Variants in SETD5 observed in about 807,000 individuals in gnomAD.
The protein encoded by SETD5 is SET domain containing 5.
In SETD5, 44 loss-of-function variants were observed where a neutral mutation model predicts 153.3. The observed-to-expected ratio is 0.29, with a 90% CI of 0.23 to 0.37. The LOEUF (loss-of-function observed/expected upper bound fraction) is 0.37. Among genes scored for constraint, SETD5 ranks in the 10% least tolerant of loss-of-function variants. SETD5 has a pLI of 1.00. For synonymous variants in SETD5, 716 were observed against 645.2 expected, an observed-to-expected ratio of 1.11 and a Z score of -1.66; for missense variants, 1,544 against 1,768.0, an observed-to-expected ratio of 0.87 and a Z score of 2.27.
chr3:9,470,075 C>T (rs185393184), intron 18 of SETD5, among the ~76,000 whole-genome samples: 2 of 152,262 alleles, frequency 1.3e-5, no homozygotes, highest in East Asian at 1.9e-4. Context: ...ACACCAGTCT[C>T]ATCTTTGTTT....
At chr3:9,423,044 G>A (rs534838942) in intron 1 of SETD5, among the ~76,000 whole-genome samples, 2 of 152,192 alleles carry the variant, frequency 1.3e-5, no homozygotes, top group Non-Finnish European at 2.9e-5. Flanking sequence ...TTGGACTTTT[G>A]TCTGCCAGCT....
intron 1 of SETD5, among the ~76,000 whole-genome samples, chr3:9,405,281 C>T (rs2035476128): frequency 6.6e-6 from 1 of 152,184 alleles, no homozygotes; most frequent in South Asian, 2.1e-4. Context: ...GGTGGGCTCT[C>T]TTCTGTACAT....
At chr3:9,423,370 T>G (rs1040763198) in intron 1 of SETD5, 4 of 152,186 alleles carry the variant, frequency 2.6e-5, no homozygotes, top group Non-Finnish European at 1.5e-5. Flanking sequence ...ATACAGGCTG[T>G]GTCTGTTTCT....
chr3:9,440,331 T>G (rs1162542918), intron 7 of SETD5, 125 bp from the exon 8 acceptor site: 3 of 626,444 alleles, frequency 4.8e-6, no homozygotes, highest in Non-Finnish European at 8.7e-6. Flanking sequence ...AGTCCATTAC[T>G]CTTTTATGCC....
chr3:9,421,106 AT>A (rs1038949025), intron 1 of SETD5, among the ~76,000 whole-genome samples: 3 of 151,532 alleles, frequency 2.0e-5, no homozygotes, highest in African/African-American at 7.3e-5. Flanking sequence ...ACTTTGAGAC[AT>A]TCTATGAATT....
intron 18 of SETD5, chr3:9,468,377 T>G: frequency 2.2e-6 from 1 of 450,448 alleles, no homozygotes; most frequent in Non-Finnish European, 3.9e-6. Flanking sequence ...CAGTTAAATA[T>G]TTCCCCTATG....
At position 9,434,362 on chromosome 3, in the gene SETD5, G is replaced by A. The variant is rs2040323081; in HGVS notation, c.206G>A (p.Gly69Asp). The part of the protein sequence containing the change: ...ATIIPRSDLN[G>D]LPSPVEERCG... ...ATCATCCCTCGTTCTGACCTGAATG[G>A]CCTGCCGTCGCCTGTAGAGGAACGC... Residue 69 changes from glycine to aspartate, a missense_variant, in exon 5 of 23, where the codon GGC becomes GAC. Transcript: ENST00000402198. The surrounding 1 kb of genome is among the most constrained non-coding windows in gnomAD (Gnocchi z 5.6). 1.9e-6 allele frequency: 3 copies of A among 1,613,702 alleles called. No homozygotes were observed. The highest frequency in any genetic ancestry group is 2.5e-6 in the Non-Finnish European group (3 of 1,179,788).
chr3:9,445,606 T>G (rs1695687629), intron 12 of SETD5, 51 bp from the exon 13 acceptor site: 1 of 1,500,828 alleles, frequency 6.7e-7, no homozygotes, highest in Non-Finnish European at 9.2e-7. Flanking sequence ...TAAAACAGAT[T>G]GATTTTTTCT....
At chr3:9,454,684 T>C (rs1157698582) in intron 17 of SETD5, among the ~76,000 whole-genome samples, 1 of 151,096 alleles carries the variant, frequency 6.6e-6, no homozygotes, top group Non-Finnish European at 1.5e-5. Context: ...ATCTAAAGTC[T>C]TTGTGCATTT....
At position 9,448,444 on chromosome 3, in the gene SETD5, G is replaced by A; in HGVS notation, c.2160G>A (p.Glu720=). The change falls in exon 16 of 23, where the codon GAG becomes GAA. Residue 720 remains glutamate (E), a synonymous_variant. Transcript: ENST00000402198. ...CAGAGAAGCAAGAGTGCCCTGTTGAGTGCCCTTTACGTATCACAACGGATC... is the reference window on the plus strand; with the variant it reads ...CAGAGAAGCAAGAGTGCCCTGTTGAATGCCCTTTACGTATCACAACGGATC... ...DKAEKQECPV[E]CPLRITTDPT... is the part of the protein sequence containing the mutation. The A allele has an allele frequency of 1.2e-6, 2 of 1,613,978 alleles. No homozygotes were observed. Among genetic ancestry groups the A allele is most frequent in the South Asian group, 1.1e-5 (1 of 91,078 alleles).
chr3:9,445,604 A>T (rs574966970), intron 12 of SETD5, 53 bp from the exon 13 acceptor site: 3 of 1,483,818 alleles, frequency 2.0e-6, no homozygotes, highest in Non-Finnish European at 2.8e-6. Context: ...AATAAAACAG[A>T]TTGATTTTTT....
At chr3:9,447,024 T>C (rs1240411402) in intron 13 of SETD5, 26 bp from the exon 14 acceptor site, 14 of 1,571,614 alleles carry the variant, frequency 8.9e-6, no homozygotes, top group Non-Finnish European at 1.2e-5. Flanking sequence ...GAAGCTTCCT[T>C]CTACACCAGT....
intron 18 of SETD5, among the ~76,000 whole-genome samples, chr3:9,467,627 C>A (rs1300014442): frequency 4.6e-5 from 7 of 152,142 alleles, no homozygotes; most frequent in African/African-American, 1.4e-4. Flanking sequence ...TATTCAGAGT[C>A]TACATTAGGC....
At chr3:9,431,569 T>G (rs1480049572) in intron 3 of SETD5, 1 of 985,586 alleles carries the variant, frequency 1.0e-6, no homozygotes, top group African/African-American at 1.7e-5. Flanking sequence ...TTGCAGAGTT[T>G]CTTCATCAGA....
intron 1 of SETD5, among the ~76,000 whole-genome samples, chr3:9,408,559 C>T (rs1396777974): frequency 1.3e-5 from 2 of 152,060 alleles, no homozygotes; most frequent in African/African-American, 2.4e-5. Context: ...TTGTGGAGTT[C>T]GTACTCTGGA....
chr3:9,464,824 GT>G, intron 18 of SETD5, 152 bp downstream of exon 18: 2 of 1,240,672 alleles, frequency 1.6e-6, no homozygotes, highest in Non-Finnish European at 2.3e-6. Context: ...ATTGTGGCCT[GT>G]TACCTGGTAG....
intron 20 of SETD5, among the ~76,000 whole-genome samples, chr3:9,474,131 T>A (rs565525708): frequency 6.6e-5 from 10 of 152,276 alleles, no homozygotes; most frequent in Middle Eastern, 3.4e-3. Context: ...CTATGAAACC[T>A]TTATTAAACC....
chr3:9,460,758 T>C (rs954408714), intron 17 of SETD5, among the ~76,000 whole-genome samples: 4 of 152,170 alleles, frequency 2.6e-5, no homozygotes, highest in Non-Finnish European at 4.4e-5. Flanking sequence ...GGGGAAAGGA[T>C]GGATTAATTG....
intron 8 of SETD5, among the ~76,000 whole-genome samples, chr3:9,441,336 G>C (rs566868429): frequency 6.6e-6 from 1 of 151,432 alleles, no homozygotes; most frequent in Admixed American, 6.6e-5. Flanking sequence ...TAGAGTCACT[G>C]AAGTCTTAAT....
Sources: allele counts gnomAD v4.1 joint callset (sites outside exome capture counted in the v4.1 genomes callset), GRCh38; gene constraint gnomAD v4.1.1; non-coding constraint Gnocchi (gnomAD v3.1); transcripts MANE v1.5; gene names NCBI Gene and HGNC (gene_info 2026-07-23, HGNC 2026-07-21).